Variants in CADPS observed in about 807,000 individuals in gnomAD.
The protein encoded by CADPS is calcium-dependent secretion activator 1.
A neutral mutation model predicts 167.3 loss-of-function variants in CADPS; 57 were observed. The ratio of observed to expected loss-of-function variants is 0.34; its 90% CI spans 0.28 to 0.42. The LOEUF (loss-of-function observed/expected upper bound fraction) is 0.42, where lower values mean the gene tolerates loss of function less well. Ranked by LOEUF, CADPS falls within the 20% of genes least tolerant of loss-of-function variation. The pLI is 1.00. For synonymous variants in CADPS, 676 were observed against 635.3 expected (o/e 1.06, Z -0.96); for missense variants, 1,414 against 1,738.1 (o/e 0.81, Z 3.32).
chr3:62,697,035 G>A (rs558845143), intron 3 of CADPS, among the ~76,000 whole-genome samples: 1 of 152,222 alleles, frequency 6.6e-6, no homozygotes, highest in South Asian at 2.1e-4. Flanking sequence ...CCGCTTTGGA[G>A]ACACAAAGAC....
chr3:62,792,305 G>A (rs931775977), intron 1 of CADPS, among the ~76,000 whole-genome samples: 1 of 151,526 alleles, frequency 6.6e-6, no homozygotes, highest in African/African-American at 2.4e-5. Flanking sequence ...TCAGGCTCAA[G>A]TGATCCTCTC....
At chr3:62,506,835 G>A (rs937171717) in intron 17 of CADPS, among the ~76,000 whole-genome samples, 1 of 152,198 alleles carries the variant, frequency 6.6e-6, no homozygotes, top group African/African-American at 2.4e-5. Flanking sequence ...GCTTGGAGAG[G>A]AATGCTCTTT....
chr3:62,846,636 T>C (rs2077482177), intron 1 of CADPS, among the ~76,000 whole-genome samples: 1 of 152,078 alleles, frequency 6.6e-6, no homozygotes, highest in Non-Finnish European at 1.5e-5. Flanking sequence ...AAAGATTGGG[T>C]CTTTTTTTGT....
Position 62,611,444 on chromosome 3 carries a change from A to AT in CADPS, c.1326-18697dup, listed in dbSNP as rs142933762. Among the ~76,000 whole-genome samples the AT allele has an allele frequency of 2.2e-3, 334 of 152,092 alleles. 3 individuals are homozygous for AT. Among genetic ancestry groups the AT allele is most frequent in the African/African-American group, 7.5e-3 (312 of 41,472 alleles). Reference sequence around the variant, plus strand: ...ATGGCCTTCTAACTTGCTTTTCTACATTTGCCCTGTTTTCCTCAGTCCCCA... The same window carrying AT: ...ATGGCCTTCTAACTTGCTTTTCTACATTTTGCCCTGTTTTCCTCAGTCCCCA... On this transcript the variant is annotated intron_variant, in intron 6 of 29. Transcript: ENST00000383710.
intron 3 of CADPS, among the ~76,000 whole-genome samples, chr3:62,751,872 A>G (rs1380240715): frequency 6.6e-6 from 1 of 152,198 alleles, no homozygotes; most frequent in Non-Finnish European, 1.5e-5. Flanking sequence ...AAAACAGTAA[A>G]ATATGATCCT....
intron 1 of CADPS, among the ~76,000 whole-genome samples, chr3:62,835,034 T>C (rs1253604753): frequency 3.3e-5 from 5 of 152,188 alleles, no homozygotes; most frequent in African/African-American, 1.2e-4. Context: ...TTGTTTGGAA[T>C]ATGAAGTATA....
chr3:62,484,295 A>G (rs1340045092), intron 21 of CADPS, among the ~76,000 whole-genome samples: 1 of 152,210 alleles, frequency 6.6e-6, no homozygotes, highest in Non-Finnish European at 1.5e-5. Flanking sequence ...AACATAAAGA[A>G]TCAAGGAGGT....
intron 1 of CADPS, among the ~76,000 whole-genome samples, chr3:62,789,827 CTTA>C (rs1355804444): frequency 6.6e-6 from 1 of 152,012 alleles, no homozygotes; most frequent in Non-Finnish European, 1.5e-5. Flanking sequence ...TGTATCAAGC[CTTA>C]TTATGTGCTA....
intron 6 of CADPS, among the ~76,000 whole-genome samples, chr3:62,628,913 C>T (rs1259074580): frequency 2.0e-5 from 3 of 152,152 alleles, no homozygotes; most frequent in African/African-American, 2.4e-5. Flanking sequence ...TCATGAACCA[C>T]CACGCCTGGC....
intron 9 of CADPS, among the ~76,000 whole-genome samples, chr3:62,569,662 C>T (rs2152443553): frequency 6.6e-6 from 1 of 152,282 alleles, no homozygotes. Flanking sequence ...AGTCAGGTCT[C>T]TGAGTATAAA....
intron 1 of CADPS, among the ~76,000 whole-genome samples, chr3:62,789,038 G>A (rs2092709269): frequency 6.6e-6 from 1 of 152,146 alleles, no homozygotes; most frequent in Non-Finnish European, 1.5e-5. Context: ...CTTTTGCTGA[G>A]AGCAGATATT....
chr3:62,468,881 G>T (rs183691379), intron 24 of CADPS, among the ~76,000 whole-genome samples: 1 of 152,114 alleles, frequency 6.6e-6, no homozygotes, highest in African/African-American at 2.4e-5. Context: ...CATTTTTGCA[G>T]TGGGGCTAGA....
At chr3:62,439,035 T>C (rs1448565979) in intron 27 of CADPS, 1 of 151,924 alleles carries the variant, frequency 6.6e-6, no homozygotes, top group Non-Finnish European at 1.5e-5. Flanking sequence ...AGCACTCTGC[T>C]TGAGATGTCA....
intron 25 of CADPS, 65 bp downstream of exon 25, chr3:62,466,274 A>C: frequency 8.9e-7 from 1 of 1,122,928 alleles, no homozygotes; most frequent in Non-Finnish European, 1.3e-6. Context: ...TTACATTTTA[A>C]TGGAAATGGA....
chr3:62,561,171 AT>A (rs1265794805), intron 9 of CADPS, among the ~76,000 whole-genome samples: 6 of 151,590 alleles, frequency 4.0e-5, no homozygotes, highest in Non-Finnish European at 7.4e-5. Context: ...GGCTGTAAAT[AT>A]GTAGATTCTT....
rs781364132 is a variant in CADPS at position 62,753,617 on chromosome 3, T to C, written c.712A>G (p.Met238Val). ...CGGTAGATGGCATCAAATTTGGCCA[T>C]CCAGGAGCTCAGCACAGTCTCCTTG... ...LSKETVLSSW[M>V]AKFDAIYRGE... The change falls in exon 3 of 30, where the codon ATG becomes GTG. Residue 238 changes from methionine (M) to valine (V), a missense_variant. Met to Val is a conservative substitution (Grantham distance 21). Transcript: ENST00000383710. This position sits in a 1 kb window ranked among gnomAD's most constrained non-coding sequence, Gnocchi z 4.6. 1.2e-6 allele frequency: 2 copies of C among 1,614,028 alleles called. No homozygotes were observed. Among genetic ancestry groups the C allele is most frequent in the Admixed American group, 3.3e-5 (2 of 60,004 alleles).
In CADPS at chr3:62,697,552, T is replaced by C. The variant is rs141351913; in HGVS notation, c.889-35158A>G. Among the ~76,000 whole-genome samples, 31 of 152,254 alleles carry C rather than the reference T, an allele frequency of 2.0e-4. 2 individuals carry two copies. The East Asian group carries it at 6.0e-3, about 29-fold the overall frequency. On this transcript the variant is annotated intron_variant, in intron 3 of 29. Coordinates refer to ENST00000383710, the MANE Select transcript of CADPS (RefSeq NM_003716.4). The stretch of plus-strand genomic sequence containing the variant: ...TCCATATTTTTGCAGTTGTGGATCA[T>C]GCTGCTATAAACATACGTGTGCAAG...
At chr3:62,826,147 C>G (rs2074000605) in intron 1 of CADPS, among the ~76,000 whole-genome samples, 1 of 152,134 alleles carries the variant, frequency 6.6e-6, no homozygotes, top group South Asian at 2.1e-4. Flanking sequence ...AGGCAGATGA[C>G]AGTCAGTTTC....
chr3:62,577,692 G>A (rs2082559450), intron 8 of CADPS, among the ~76,000 whole-genome samples: 1 of 152,162 alleles, frequency 6.6e-6, no homozygotes, highest in African/African-American at 2.4e-5. Flanking sequence ...ACATGTATTA[G>A]CTCACTTAGT....
Sources: allele counts gnomAD v4.1 joint callset (sites outside exome capture counted in the v4.1 genomes callset), GRCh38; gene constraint gnomAD v4.1.1; non-coding constraint Gnocchi (gnomAD v3.1); transcripts MANE v1.5; gene names NCBI Gene and HGNC (gene_info 2026-07-23, HGNC 2026-07-21).